Variants in SOX6 observed in about 807,000 individuals in gnomAD.
The protein encoded by SOX6 is SRY-box transcription factor 6.
SOX6 carries 11 observed loss-of-function variants against 97.8 expected under a neutral mutation model. That is an observed-to-expected ratio of 0.11 (90% CI 0.07 to 0.19). The LOEUF (loss-of-function observed/expected upper bound fraction) is 0.19, where lower values mean the gene tolerates loss of function less well. Among genes scored for constraint, SOX6 ranks in the 10% least tolerant of loss-of-function variants. The pLI is 1.00. For synonymous variants in SOX6, 360 were observed against 371.4 expected (o/e 0.97, Z 0.35); for missense variants, 810 against 1,039.5 (o/e 0.78, Z 3.04).
chr11:16,162,752 T>A (rs1386219886), intron 6 of SOX6, among the ~76,000 whole-genome samples: 1 of 152,222 alleles, frequency 6.6e-6, no homozygotes, highest in Non-Finnish European at 1.5e-5. Context: ...TAGCCTAATA[T>A]ACCCCTTAAA....
intron 3 of SOX6, among the ~76,000 whole-genome samples, chr11:16,648,170 C>T (rs965252687): frequency 6.6e-6 from 1 of 152,142 alleles, no homozygotes; most frequent in Non-Finnish European, 1.5e-5. Context: ...AAGGTTTCAG[C>T]ATGGCACCAT....
intron 4 of SOX6, among the ~76,000 whole-genome samples, chr11:16,486,635 C>T (rs1213095005): frequency 6.6e-6 from 1 of 152,072 alleles, no homozygotes; most frequent in Middle Eastern, 3.4e-3. Context: ...CCAAGGTGGG[C>T]GAATCACTTG....
intron 3 of SOX6, among the ~76,000 whole-genome samples, chr11:16,283,153 A>G (rs1433702176): frequency 6.8e-6 from 1 of 146,544 alleles, no homozygotes; most frequent in East Asian, 2.0e-4. Flanking sequence ...AAAAATGAAA[A>G]CATTTATTTT....
intron 4 of SOX6, among the ~76,000 whole-genome samples, chr11:16,210,275 T>C (rs1413495535): frequency 6.6e-6 from 1 of 152,144 alleles, no homozygotes; most frequent in Non-Finnish European, 1.5e-5. Flanking sequence ...AAATGTGGCA[T>C]ATAGCCATAG....
At chr11:16,558,335 A>C (rs770758179) in intron 4 of SOX6, among the ~76,000 whole-genome samples, 1 of 151,950 alleles carries the variant, frequency 6.6e-6, no homozygotes, top group Non-Finnish European at 1.5e-5. Flanking sequence ...TTAAGCCTTC[A>C]ATCTGCTAAA....
In SOX6 at chr11:16,274,999, C is replaced by G. The variant is rs182641021; in HGVS notation, c.446-40328G>C. 3.6e-3 allele frequency among the ~76,000 whole-genome samples: 549 copies of G among 152,166 alleles called. 2 individuals carry two copies. The highest frequency in any genetic ancestry group is 5.8e-3 in the Admixed American group (88 of 15,276). ...AAATAAAAGAAAAAGGAATAAAAGA[C>G]TAATGGATACAGAGGGGCAGAATCT... On this transcript the variant is annotated intron_variant, in intron 3 of 15. Transcript: ENST00000683767.
chr11:16,211,878 G>A (rs1416446219), intron 4 of SOX6, among the ~76,000 whole-genome samples: 3 of 152,146 alleles, frequency 2.0e-5, no homozygotes, highest in African/African-American at 7.2e-5. Flanking sequence ...AAAAATCAAA[G>A]TTGATTTCCA....
intron 2 of SOX6, 148 bp from the exon 3 acceptor site, chr11:16,318,801 G>T: frequency 1.7e-6 from 1 of 599,624 alleles, no homozygotes. Context: ...TAACTTAGTA[G>T]GACAAATAAA....
At chr11:16,194,288 G>C (rs970750883) in intron 4 of SOX6, among the ~76,000 whole-genome samples, 2 of 152,122 alleles carry the variant, frequency 1.3e-5, no homozygotes, top group Admixed American at 6.5e-5. Flanking sequence ...TCAGTCTTTG[G>C]TTACAACAGC....
chr11:16,550,229 C>T (rs1176692858), intron 4 of SOX6, among the ~76,000 whole-genome samples: 1 of 152,102 alleles, frequency 6.6e-6, no homozygotes, highest in Non-Finnish European at 1.5e-5. Flanking sequence ...GAAAACCAAA[C>T]ACCCCATGTT....
chr11:16,253,231 C>T (rs1365813964), intron 3 of SOX6, among the ~76,000 whole-genome samples: 1 of 151,928 alleles, frequency 6.6e-6, no homozygotes, highest in Non-Finnish European at 1.5e-5. Context: ...TGCCTACAAT[C>T]CCAGCTATTC....
chr11:16,143,386 A>G (rs923401969), intron 6 of SOX6, among the ~76,000 whole-genome samples: 2 of 152,226 alleles, frequency 1.3e-5, no homozygotes, highest in African/African-American at 4.8e-5. Flanking sequence ...GGTACCAGCC[A>G]CTGCAAAAAC....
intron 12 of SOX6, among the ~76,000 whole-genome samples, chr11:16,040,566 C>T (rs1329478668): frequency 6.6e-6 from 1 of 151,966 alleles, no homozygotes; most frequent in Non-Finnish European, 1.5e-5. Flanking sequence ...ATAAATATAG[C>T]TATTCATTTC....
chr11:16,295,573 T>A (rs959423420), intron 3 of SOX6, among the ~76,000 whole-genome samples: 2 of 152,102 alleles, frequency 1.3e-5, no homozygotes, highest in Non-Finnish European at 2.9e-5. Flanking sequence ...TATTGACTAA[T>A]GTCCCAAAAC....
At chr11:16,463,564 T>G (rs1859972614) in intron 1 of SOX6, among the ~76,000 whole-genome samples, 1 of 152,240 alleles carries the variant, frequency 6.6e-6, no homozygotes, top group African/African-American at 2.4e-5. Context: ...CTTAGCACAA[T>G]GTCTAGCACA....
upstream of SOX6, among the ~76,000 whole-genome samples, chr11:16,477,208 A>G (rs902809709): frequency 6.6e-6 from 1 of 152,244 alleles, no homozygotes; most frequent in Non-Finnish European, 1.5e-5. Context: ...ACTAAAAATA[A>G]TAATAGAGCT....
At position 16,182,196 on chromosome 11, in the gene SOX6, A is replaced by T. The variant is rs535053276; in HGVS notation, c.777+1690T>A. 6.1e-4 allele frequency among the ~76,000 whole-genome samples: 92 copies of T among 152,024 alleles called. 1 individual carries two copies. The South Asian group carries it at 0.018, about 30-fold the overall frequency. On this transcript the variant is annotated intron_variant, in intron 6 of 15. Coordinates refer to ENST00000683767, the MANE Select transcript of SOX6 (RefSeq NM_001367873.1). The stretch of plus-strand genomic sequence containing the variant: ...GCCACAGGAAAACATCAGTGAAGAC[A>T]ACCAGTCAGTATAAACAGCACTGGA...
At chr11:16,674,835 C>T (rs1847873346) in intron 3 of SOX6, among the ~76,000 whole-genome samples, 2 of 152,156 alleles carry the variant, frequency 1.3e-5, no homozygotes, top group South Asian at 2.1e-4. Context: ...CCTGTAGTCC[C>T]GGCTACTCAG....
intron 4 of SOX6, among the ~76,000 whole-genome samples, chr11:16,501,052 T>G (rs140223098): frequency 9.9e-5 from 15 of 152,146 alleles, no homozygotes; most frequent in Non-Finnish European, 1.8e-4. Flanking sequence ...CTACCTGACT[T>G]CAAACTATAC....
Sources: allele counts gnomAD v4.1 joint callset (sites outside exome capture counted in the v4.1 genomes callset), GRCh38; gene constraint gnomAD v4.1.1; transcripts MANE v1.5; gene names NCBI Gene and HGNC (gene_info 2026-07-23, HGNC 2026-07-21).